The following STAM variants were observed in gnomAD, a reference collection of about 807,000 sequenced individuals.
STAM encodes signal transducing adaptor molecule, also known as signal transducing adapter molecule 1.
STAM carries 16 observed loss-of-function variants against 63.4 expected under a neutral mutation model. The ratio of observed to expected loss-of-function variants is 0.25; its 90% confidence interval spans 0.17 to 0.38. The LOEUF is 0.38. Among genes scored for constraint, STAM ranks in the 10% least tolerant of loss-of-function variants. STAM has a pLI of 1.00. For missense variants in STAM, 636 were observed against 657.1 expected, an observed-to-expected ratio of 0.97 and a Z score of 0.35; for synonymous variants, 238 against 223.9, an observed-to-expected ratio of 1.06 and a Z score of -0.56.
chr10:17,654,662 A>G (rs1002740866), intron 1 of STAM, among the ~76,000 whole-genome samples: 5 of 152,322 alleles, frequency 3.3e-5, no homozygotes, highest in South Asian at 4.1e-4. Flanking sequence ...AGTAAACCTT[A>G]TTATTTTCAA....
chr10:17,695,039 T>G lies in STAM; in HGVS notation c.536-10T>G, dbSNP rs1835694158. On this transcript the variant is annotated splice_polypyrimidine_tract_variant and intron_variant, in intron 6 of 13. Coordinates refer to ENST00000377524, the MANE Select transcript of STAM (RefSeq NM_003473.4). ...ACATTTTGGGTCTTTAAAAACTCAT[T>G]GTTTTCTAGCCATTGAGTTGTCTCT... 6.2e-7 allele frequency: 1 copy of G among 1,609,988 alleles called. No homozygotes were observed. The highest frequency in any genetic ancestry group is 1.1e-5 in the South Asian group (1 of 90,270).
chr10:17,674,752 A>G (rs1834776196), intron 2 of STAM, among the ~76,000 whole-genome samples: 1 of 152,206 alleles, frequency 6.6e-6, no homozygotes, highest in African/African-American at 2.4e-5. Context: ...TGGTAAGTTC[A>G]TGTCAAAGGA....
chr10:17,678,564 T>C (rs1218318142), intron 2 of STAM, among the ~76,000 whole-genome samples: 6 of 152,234 alleles, frequency 3.9e-5, no homozygotes, highest in Admixed American at 2.0e-4. Context: ...TCATGTAGTG[T>C]AATTCTTCTG....
At chr10:17,653,603 G>A (rs11599751) in intron 1 of STAM, among the ~76,000 whole-genome samples, 2,915 of 152,266 alleles carry the variant, frequency 0.019, 30 homozygotes, top group Middle Eastern at 0.027. Flanking sequence ...ATCAAAACTT[G>A]TAGAGGAAAA....
At chr10:17,658,150 G>A (rs782475026) in intron 1 of STAM, among the ~76,000 whole-genome samples, 29 of 151,840 alleles carry the variant, frequency 1.9e-4, no homozygotes, top group South Asian at 6.2e-4. Context: ...CAAATTTTGC[G>A]AAGTTGTATT....
At chr10:17,645,582 T>G (rs1554820730) in intron 1 of STAM, among the ~76,000 whole-genome samples, 1 of 152,180 alleles carries the variant, frequency 6.6e-6, no homozygotes, top group Non-Finnish European at 1.5e-5. Flanking sequence ...CTAGAGGGCC[T>G]GCTACAGTAC....
At chr10:17,698,465 G>A (rs1835856585) in intron 8 of STAM, among the ~76,000 whole-genome samples, 1 of 150,798 alleles carries the variant, frequency 6.6e-6, no homozygotes, top group African/African-American at 2.4e-5. Flanking sequence ...TTCAATATGA[G>A]TTTTCTAGTT....
intron 2 of STAM, among the ~76,000 whole-genome samples, chr10:17,675,964 G>T (rs1834838686): frequency 6.6e-6 from 1 of 152,026 alleles, no homozygotes; most frequent in African/African-American, 2.4e-5. Context: ...CCAACACGAT[G>T]AATGGGCAAA....
chr10:17,666,540 A>G (rs538542693), intron 2 of STAM, among the ~76,000 whole-genome samples: 6 of 151,780 alleles, frequency 4.0e-5, no homozygotes, highest in South Asian at 2.1e-4. Context: ...GACTACAGGC[A>G]CCCGCCACCA....
intron 4 of STAM, 127 bp downstream of exon 4, chr10:17,685,054 G>T: frequency 2.3e-5 from 13 of 577,706 alleles, no homozygotes; most frequent in Admixed American, 7.5e-5. Flanking sequence ...TGTCTATCCA[G>T]TATATAAATA....
At position 17,715,103 on chromosome 10, in the gene STAM, T is replaced by C. The variant is rs1836757723; in HGVS notation, c.*323T>C. 2 of 333,444 alleles carry C rather than the reference T, an allele frequency of 6.0e-6. No individual in the cohort carries two copies. The highest frequency in any genetic ancestry group is 3.2e-5 in the South Asian group (1 of 31,250). The allele number at this position is 333,444 out of a possible 1,614,324, so 20.7% of individuals were successfully genotyped here. Reference sequence around the variant, plus strand: ...ACAAAAACTGTTGTGACAAATGTTATGTACATATATTGATATGTAACTGCA... The same window carrying C: ...ACAAAAACTGTTGTGACAAATGTTACGTACATATATTGATATGTAACTGCA... On this transcript the variant is annotated 3_prime_UTR_variant, in exon 14 of 14. Transcript: ENST00000377524.
intron 1 of STAM, among the ~76,000 whole-genome samples, chr10:17,654,920 C>A (rs1833881207): frequency 6.6e-6 from 1 of 152,186 alleles, no homozygotes. Context: ...CAAATTTTCA[C>A]AAAGTAGTCT....
intron 13 of STAM, among the ~76,000 whole-genome samples, chr10:17,709,345 C>T (rs1318557875): frequency 1.3e-5 from 2 of 151,956 alleles, no homozygotes; most frequent in Non-Finnish European, 2.9e-5. Context: ...ATATATAGTT[C>T]TGAGCTGTCT....
chr10:17,660,305 A>G (rs1308697486), intron 1 of STAM, among the ~76,000 whole-genome samples, 159 bp from the exon 2 acceptor site: 1 of 152,248 alleles, frequency 6.6e-6, no homozygotes, highest in Non-Finnish European at 1.5e-5. Flanking sequence ...ATGAGCGTAC[A>G]TCTTTTCAAG....
intron 2 of STAM, among the ~76,000 whole-genome samples, chr10:17,667,502 G>A (rs1377991000): frequency 3.9e-5 from 6 of 152,016 alleles, no homozygotes; most frequent in Admixed American, 1.3e-4. Context: ...TCTTTAATTC[G>A]TTTCATTCTC....
rs375596615 is a variant in STAM, at chr10:17,696,660, G to A, written c.729-115G>A. Reference sequence around the variant, plus strand: ...AGGAAGATTCATTGGCTTTTTCAGTGGGTTATTGTGAGATTCAAATTTTGT... The same window carrying A: ...AGGAAGATTCATTGGCTTTTTCAGTAGGTTATTGTGAGATTCAAATTTTGT... On this transcript the variant is annotated intron_variant, in intron 7 of 13. Coordinates refer to ENST00000377524, the MANE Select transcript of STAM (RefSeq NM_003473.4). 26 of 656,692 alleles carry A rather than the reference G, an allele frequency of 4.0e-5. No homozygotes were observed. In the East Asian group the frequency reaches 5.0e-4, roughly 13 times the overall value. The allele number at this position is 656,692 out of a possible 1,614,324, so 40.7% of individuals were successfully genotyped here. A position where few individuals can be genotyped will look rare whatever the true frequency, so the allele number is the denominator to read the frequency against.
At chr10:17,684,537 CGT>C in intron 2 of STAM, 136 bp from the exon 3 acceptor site, 1 of 562,994 alleles carries the variant, frequency 1.8e-6, no homozygotes, top group South Asian at 3.4e-5. Context: ...GTTTTTCAAC[CGT>C]GTTATTAATA....
intron 1 of STAM, among the ~76,000 whole-genome samples, chr10:17,646,490 A>T (rs534937337): frequency 6.6e-6 from 1 of 152,302 alleles, no homozygotes; most frequent in African/African-American, 2.4e-5. Context: ...CATTCAAGAT[A>T]GTTTTATACT....
intron 13 of STAM, among the ~76,000 whole-genome samples, chr10:17,714,061 G>A (rs1484677773): frequency 6.6e-6 from 1 of 152,130 alleles, no homozygotes; most frequent in African/African-American, 2.4e-5. Context: ...TACCTGAAAT[G>A]TACTTTCCTA....
Sources: gnomAD v4.1 joint callset for allele counts (sites outside exome capture counted in the v4.1 genomes callset) on GRCh38, gnomAD v4.1.1 for gene constraint, MANE v1.5 for transcripts, NCBI Gene and HGNC (gene_info 2026-07-23, HGNC 2026-07-21) for gene names.